The following ROBO2 variants were observed in gnomAD, a reference collection of about 807,000 sequenced individuals.
The protein encoded by ROBO2 is roundabout guidance receptor 2.
A neutral mutation model predicts 160.8 loss-of-function variants in ROBO2; 53 were observed. The observed-to-expected ratio is 0.33, with a 90% CI of 0.26 to 0.41. ROBO2 has a LOEUF of 0.41. ROBO2 is among the 10% of genes least tolerant of loss of function. The pLI is 1.00. For missense variants in ROBO2, 1,577 were observed against 1,722.4 expected, an observed-to-expected ratio of 0.92 and a Z score of 1.49; for synonymous variants, 664 against 611.7, an observed-to-expected ratio of 1.09 and a Z score of -1.26.
At chr3:76,421,581 C>G (rs1279246103) in intron 2 of ROBO2, among the ~76,000 whole-genome samples, 1 of 151,938 alleles carries the variant, frequency 6.6e-6, no homozygotes, top group African/African-American at 2.4e-5. Flanking sequence ...ACAAAATTAG[C>G]CGGACATGGT....
intron 2 of ROBO2, among the ~76,000 whole-genome samples, chr3:76,200,561 G>A (rs936951062): frequency 2.6e-5 from 4 of 152,004 alleles, no homozygotes; most frequent in African/African-American, 9.7e-5. Flanking sequence ...AGATTAATAC[G>A]TCCAGTATAG....
chr3:76,765,017 A>G lies in ROBO2; in HGVS notation c.110-332997A>G, dbSNP rs941697676. 2.6e-5 allele frequency among the ~76,000 whole-genome samples: 4 copies of G among 151,648 alleles called. No individual in the cohort carries two copies. In the East Asian group the frequency reaches 7.9e-4, roughly 30 times the overall value. On this transcript the variant is annotated intron_variant, in intron 2 of 26. Coordinates refer to the ROBO2 transcript ENST00000487694. ...TAGTGCACCCTTCACCCAAATAGTGAACATTGTACCCAATAGGTAATTTTT... is the reference window on the plus strand; with the variant it reads ...TAGTGCACCCTTCACCCAAATAGTGGACATTGTACCCAATAGGTAATTTTT...
chr3:76,182,950 A>G (rs1354401843), intron 2 of ROBO2, among the ~76,000 whole-genome samples: 1 of 152,176 alleles, frequency 6.6e-6, no homozygotes, highest in East Asian at 1.9e-4. Flanking sequence ...GTAGCTAAAC[A>G]TAATGATCAT....
chr3:76,880,176 G>T (rs575486420), intron 2 of ROBO2, among the ~76,000 whole-genome samples: 1 of 151,688 alleles, frequency 6.6e-6, no homozygotes, highest in Admixed American at 6.6e-5. Context: ...CCTTTTTCCC[G>T]GTTTATCATT....
intron 2 of ROBO2, among the ~76,000 whole-genome samples, chr3:77,167,048 A>ACT (rs1325049019): frequency 6.6e-6 from 1 of 152,196 alleles, no homozygotes; most frequent in Non-Finnish European, 1.5e-5. Context: ...AGTTCATTAT[A>ACT]CTATCAGTTT....
chr3:77,273,946 C>T (rs1164629901), intron 2 of ROBO2, among the ~76,000 whole-genome samples: 1 of 151,246 alleles, frequency 6.6e-6, no homozygotes, highest in East Asian at 1.9e-4. Context: ...TAGAATTCCA[C>T]TTTGGTGTGA....
At chr3:76,352,740 G>C (rs945153971) in intron 2 of ROBO2, among the ~76,000 whole-genome samples, 2 of 151,944 alleles carry the variant, frequency 1.3e-5, no homozygotes, top group African/African-American at 4.8e-5. Flanking sequence ...TTATGAGACA[G>C]AGTTTTATTA....
chr3:75,942,076 A>G (rs1948082472), intron 2 of ROBO2, among the ~76,000 whole-genome samples: 1 of 152,076 alleles, frequency 6.6e-6, no homozygotes, highest in Non-Finnish European at 1.5e-5. Context: ...CAGAAATTTA[A>G]GTGATTGTAT....
intron 2 of ROBO2, among the ~76,000 whole-genome samples, chr3:76,679,509 G>T (rs2092502162): frequency 6.6e-6 from 1 of 152,050 alleles, no homozygotes; most frequent in Admixed American, 6.6e-5. Flanking sequence ...ATATAGGCAT[G>T]CTTTATGCTG....
At chr3:76,759,744 G>A (rs1318838185) in intron 2 of ROBO2, among the ~76,000 whole-genome samples, 3 of 151,818 alleles carry the variant, frequency 2.0e-5, no homozygotes, top group East Asian at 2.0e-4. Flanking sequence ...TAAGAAACAC[G>A]GGTTCTAGTT....
intron 2 of ROBO2, among the ~76,000 whole-genome samples, chr3:77,348,951 A>G (rs1198021219): frequency 1.3e-5 from 2 of 151,872 alleles, no homozygotes; most frequent in African/African-American, 4.8e-5. Flanking sequence ...TCTTCTCCCG[A>G]AAAGCTTCTT....
chr3:76,538,332 G>A (rs773597009), intron 2 of ROBO2, among the ~76,000 whole-genome samples: 3 of 152,150 alleles, frequency 2.0e-5, no homozygotes, highest in Non-Finnish European at 2.9e-5. Flanking sequence ...GCAATTCCCA[G>A]TGTCCAGCAG....
At chr3:75,942,342 A>G (rs1948095633) in intron 2 of ROBO2, among the ~76,000 whole-genome samples, 2 of 152,162 alleles carry the variant, frequency 1.3e-5, no homozygotes, top group Non-Finnish European at 2.9e-5. Flanking sequence ...GGCAATGAAT[A>G]TTGAATGTGT....
At chr3:76,584,675 G>A (rs2085921535) in intron 2 of ROBO2, among the ~76,000 whole-genome samples, 1 of 152,128 alleles carries the variant, frequency 6.6e-6, no homozygotes, top group Admixed American at 6.5e-5. Context: ...ATATCTCACA[G>A]CCATCTAGTC....
chr3:76,963,736 A>G lies in ROBO2; in HGVS notation c.110-134278A>G, dbSNP rs546743613. Among the ~76,000 whole-genome samples the G allele has an allele frequency of 7.2e-5, 11 of 152,054 alleles. No homozygotes were observed. The South Asian group carries it at 2.1e-3, about 29-fold the overall frequency. On this transcript the variant is annotated intron_variant, in intron 2 of 26. Coordinates refer to the ROBO2 transcript ENST00000487694. Reference sequence around the variant, plus strand: ...CCACAGAAGGAAAGCTTATAAATCAAAAAGACCTAAATTATTAGAGTGCTA... The same window carrying G: ...CCACAGAAGGAAAGCTTATAAATCAGAAAGACCTAAATTATTAGAGTGCTA...
intron 2 of ROBO2, among the ~76,000 whole-genome samples, chr3:76,766,592 C>T (rs538230104): frequency 4.6e-5 from 7 of 151,684 alleles, no homozygotes; most frequent in Non-Finnish European, 7.4e-5. Context: ...TAATGAGAAA[C>T]GTAATGCTTA....
At chr3:76,884,755 A>G (rs2073713299) in intron 2 of ROBO2, among the ~76,000 whole-genome samples, 1 of 152,106 alleles carries the variant, frequency 6.6e-6, no homozygotes, top group South Asian at 2.1e-4. Context: ...AATTTTATTA[A>G]TTTTAATGTG....
At chr3:76,772,067 A>G (rs1488695087) in intron 2 of ROBO2, among the ~76,000 whole-genome samples, 1 of 151,374 alleles carries the variant, frequency 6.6e-6, no homozygotes, top group Non-Finnish European at 1.5e-5. Flanking sequence ...GAATCAGAAT[A>G]GGGCAAGTCT....
At chr3:75,931,763 C>A (rs1008790823) in intron 1 of ROBO2, among the ~76,000 whole-genome samples, 1 of 152,002 alleles carries the variant, frequency 6.6e-6, no homozygotes, top group Non-Finnish European at 1.5e-5. Context: ...ATTCAGTCCC[C>A]TGCTTGACTT....
Sources: allele counts gnomAD v4.1 joint callset (sites outside exome capture counted in the v4.1 genomes callset), GRCh38; gene constraint gnomAD v4.1.1; transcripts MANE v1.5; gene names NCBI Gene and HGNC (gene_info 2026-07-23, HGNC 2026-07-21).